Variants in PLEKHM2 observed in about 807,000 individuals in gnomAD.
The protein encoded by PLEKHM2 is pleckstrin homology domain-containing family M member 2.
In PLEKHM2, 77 loss-of-function variants were observed where a neutral mutation model predicts 116.3. The ratio of observed to expected loss-of-function variants is 0.66; its 90% CI spans 0.55 to 0.80. PLEKHM2 has a LOEUF of 0.80. PLEKHM2 is among the 30% of genes least tolerant of loss of function. The pLI, the probability that PLEKHM2 is intolerant of heterozygous loss-of-function variation, is 0.00. For synonymous variants in PLEKHM2, 562 were observed against 571.0 expected (o/e 0.98, Z 0.22); for missense variants, 1,183 against 1,354.9 (o/e 0.87, Z 1.99).
chr1:15,684,730 G>C, intron 1 of PLEKHM2, 112 bp downstream of exon 1: 2 of 340,086 alleles, frequency 5.9e-6, no homozygotes, highest in South Asian at 2.5e-4. Context: ...GCGACCCGGG[G>C]GGCGACGAGC....
rs576269510 is a variant in PLEKHM2, at chr1:15,714,543, C to T, written c.61-1694C>T. ...TCTGGGAGGAAGGGAAGGGAAGACC[C>T]TGCAGGACTGAGGTTTGTCCTGGCT... is the stretch of plus-strand genomic sequence containing the variant. On this transcript the variant is annotated intron_variant, in intron 1 of 19. Transcript: ENST00000375799. Among the ~76,000 whole-genome samples the T allele has an allele frequency of 2.6e-5, 4 of 152,218 alleles. No homozygotes were observed. The East Asian group carries it at 7.7e-4, about 29-fold the overall frequency.
chr1:15,729,731 A>G lies in PLEKHM2; in HGVS notation c.2076-66A>G, dbSNP rs559411861. The G allele has an allele frequency of 3.5e-5, 51 of 1,457,014 alleles. No homozygotes were observed. The Admixed American group carries it at 9.9e-4, about 28-fold the overall frequency. 90.3% of individuals were successfully genotyped at this position (1,457,014 alleles called of 1,614,324 possible). On this transcript the variant is annotated intron_variant, in intron 13 of 19. Transcript: ENST00000375799. This position sits in a 1 kb window ranked among gnomAD's most constrained non-coding sequence, Gnocchi z 4.7. ...CCCCTCCAGGCCAGCAGCGCTCAAGACTAAGCCCTGTCCAGTTGAGGCCCT... is the reference window on the plus strand; with the variant it reads ...CCCCTCCAGGCCAGCAGCGCTCAAGGCTAAGCCCTGTCCAGTTGAGGCCCT...
rs1185183848 is a variant in PLEKHM2, at chr1:15,729,806, G to C, written c.2085G>C (p.Leu695Phe). Residue 695 changes from leucine to phenylalanine, a missense_variant, in exon 14 of 20, where the codon TTG becomes TTC. Around this residue, in one of 3 missense-constraint regions of PLEKHM2, gnomAD observed 594 missense variants for 720.1 expected, o/e 0.82. Transcript: ENST00000375799. The surrounding 1 kb of genome is among the most constrained non-coding windows in gnomAD (Gnocchi z 4.7). The part of the protein sequence containing the change: ...TADVALAEFF[L>F]ASLKSAMIKG... ...CTCACTCCCTATGCAGGTTCTTTTTGGCTTCTTTGAAGTCAGCCATGATCA... is the reference window on the plus strand; with the variant it reads ...CTCACTCCCTATGCAGGTTCTTTTTCGCTTCTTTGAAGTCAGCCATGATCA... The C allele has an allele frequency of 6.2e-7, 1 of 1,610,422 alleles. No homozygotes were observed. The highest frequency in any genetic ancestry group is 1.1e-5 in the South Asian group (1 of 90,672).
chr1:15,685,929 T>C (rs1318145939), intron 1 of PLEKHM2, among the ~76,000 whole-genome samples: 6 of 152,202 alleles, frequency 3.9e-5, no homozygotes, highest in African/African-American at 9.7e-5. Flanking sequence ...AAATACTTTG[T>C]TGAGAAGCAG....
chr1:15,704,953 A>C (rs1049474121), intron 1 of PLEKHM2, among the ~76,000 whole-genome samples: 1 of 151,686 alleles, frequency 6.6e-6, no homozygotes, highest in Non-Finnish European at 1.5e-5. Context: ...TTGTGCCCTG[A>C]CTCCAGAGTT....
rs776618933 is a variant in PLEKHM2, at chr1:15,730,594, C to T, written c.2271C>T (p.Ser757=). ...ACTGGGAGGACCCCACAGACGAGTC[C>T]CTGGGCCCCACGCCCTGCCACTGCT... ...LVHWEDPTDE[S]LGPTPCHCSP... is the part of the protein sequence containing the mutation. The change falls in exon 15 of 20, where the codon TCC becomes TCT. Residue 757 remains serine (S), a synonymous_variant. Transcript: ENST00000375799. 11 of 1,606,326 alleles carry T rather than the reference C, an allele frequency of 6.8e-6. No individual in the cohort carries two copies. The highest frequency in any genetic ancestry group is 9.3e-6 in the Non-Finnish European group (11 of 1,177,142).
At position 15,717,772 on chromosome 1, in the gene PLEKHM2, A is replaced by G; in HGVS notation, c.278-121A>G. On this transcript the variant is annotated intron_variant, in intron 3 of 19. Coordinates refer to ENST00000375799, the MANE Select transcript of PLEKHM2 (RefSeq NM_015164.4). ...GGGTTATGGTACCCCACCAAGCACA[A>G]AGGCCACTGAAGTGCCTGGTCCCAT... The G allele has an allele frequency of 4.6e-6, 3 of 652,056 alleles. No homozygotes were observed. In the Admixed American group the frequency reaches 7.5e-5, roughly 16 times the overall value. 40.4% of individuals were successfully genotyped at this position (652,056 alleles called of 1,614,324 possible).
intron 1 of PLEKHM2, among the ~76,000 whole-genome samples, chr1:15,703,195 T>A (rs1365895717): frequency 2.6e-5 from 4 of 152,194 alleles, no homozygotes; most frequent in Admixed American, 2.6e-4. Context: ...GAGTCGAACC[T>A]GCCAGGCCAG....
At chr1:15,694,729 TCTC>T (rs1468244707) in intron 1 of PLEKHM2, among the ~76,000 whole-genome samples, 1 of 151,922 alleles carries the variant, frequency 6.6e-6, no homozygotes, top group Non-Finnish European at 1.5e-5. Context: ...ACACAGATAT[TCTC>T]CTCCATGCTG....
intron 1 of PLEKHM2, among the ~76,000 whole-genome samples, chr1:15,692,330 G>T (rs951651441): frequency 6.6e-6 from 1 of 152,182 alleles, no homozygotes; most frequent in Non-Finnish European, 1.5e-5. Flanking sequence ...CTACACACAC[G>T]TTACAAACTG....
intron 1 of PLEKHM2, among the ~76,000 whole-genome samples, chr1:15,705,396 T>G (rs9660255): frequency 0.37 from 55,741 of 151,452 alleles, 13,332 homozygotes; most frequent in African/African-American, 0.68. Context: ...TGCCCAGGCT[T>G]GTCTCCAACT....
chr1:15,720,315 A>G, intron 6 of PLEKHM2: 1 of 984,880 alleles, frequency 1.0e-6, no homozygotes, highest in Non-Finnish European at 1.2e-6. Flanking sequence ...TTCTTTGCAG[A>G]AGGAGGTTAA....
chr1:15,727,282 G>T lies in PLEKHM2; in HGVS notation c.1210G>T (p.Glu404Ter). The stretch of plus-strand genomic sequence containing the variant: ...CCCTGAGATGAAGGACACCTCCATG[G>T]AGCGCTTGGGGCAGCCCCTGAGCAA... ...LIPEMKDTSMERLGQPLSKVI... is the reference protein window; with the variant it reads ...LIPEMKDTSM Residue 404 changes from glutamate (E) to a stop codon, truncating the protein, a stop_gained, in exon 9 of 20, where the codon GAG becomes TAG. Coordinates refer to ENST00000375799, the MANE Select transcript of PLEKHM2 (RefSeq NM_015164.4). LOFTEE classifies it high-confidence loss of function. The surrounding 1 kb of genome is among the most constrained non-coding windows in gnomAD (Gnocchi z 7.5). The T allele has an allele frequency of 6.2e-7, 1 of 1,605,420 alleles. No individual in the cohort carries two copies. The highest frequency in any genetic ancestry group is 8.5e-7 in the Non-Finnish European group (1 of 1,176,990).
chr1:15,718,634 CCAGGG>C lies in PLEKHM2; in HGVS notation c.465+11_465+15del. 3 of 1,524,028 alleles carry C rather than the reference CCAGGG, an allele frequency of 2.0e-6. No homozygotes were observed. Among genetic ancestry groups the C allele is most frequent in the Non-Finnish European group, 2.7e-6 (3 of 1,120,090 alleles). The allele number at this position is 1,524,028 out of a possible 1,614,324, so 94.4% of individuals were successfully genotyped here. ...GTTTCGAGCTGGATCTGGTGAGACA[CCAGGG>C]CTCTCACTGCTTGTGGGAAGCAGAG... is the stretch of plus-strand genomic sequence containing the variant. On this transcript the variant is annotated intron_variant, in intron 5 of 19. Transcript: ENST00000375799.
Position 15,732,412 on chromosome 1 carries a change from C to T in PLEKHM2, c.2688C>T (p.Asp896=). 1 of 1,573,844 alleles carries T rather than the reference C, an allele frequency of 6.4e-7. No individual in the cohort carries two copies. Among genetic ancestry groups the T allele is most frequent in the Non-Finnish European group, 8.6e-7 (1 of 1,159,808 alleles). ...CIPCCLVLTD[D]RLFTCHEDCQ... is the part of the protein sequence containing the mutation. The stretch of plus-strand genomic sequence containing the variant: ...CCTGCTGCCTGGTCCTCACGGATGA[C>T]CGCCTCTTTACGTGCCATGAGGATT... The change falls in exon 18 of 20, where the codon GAC becomes GAT. Residue 896 remains aspartate (D), a synonymous_variant. Transcript: ENST00000375799.
chr1:15,712,648 C>CTTT (rs1366648962), intron 1 of PLEKHM2, among the ~76,000 whole-genome samples: 1 of 136,716 alleles, frequency 7.3e-6, no homozygotes, highest in Non-Finnish European at 1.6e-5. Context: ...TCTTATTTTC[C>CTTT]TTTTTTTTTT....
At chr1:15,726,924 A>T in intron 8 of PLEKHM2, 90 bp from the exon 9 acceptor site, 1 of 813,162 alleles carries the variant, frequency 1.2e-6, no homozygotes, top group African/African-American at 1.7e-5. Flanking sequence ...CAGAGGCTAC[A>T]TGGCCAGCAT....
rs1641505174 is a variant in PLEKHM2, at chr1:15,719,021, C to T, written c.465+396C>T. The stretch of plus-strand genomic sequence containing the variant: ...GCTCCATGAAGAGCCTTCAGCCACC[C>T]TCTTCAAGTTCTCAAGTTTCTCTCC... On this transcript the variant is annotated intron_variant, in intron 5 of 19. Transcript: ENST00000375799. The surrounding 1 kb of genome is among the most constrained non-coding windows in gnomAD (Gnocchi z 4.1). Among the ~76,000 whole-genome samples, 1 of 152,134 alleles carries T rather than the reference C, an allele frequency of 6.6e-6. No homozygotes were observed. The highest frequency in any genetic ancestry group is 2.4e-5 in the African/African-American group (1 of 41,452).
chr1:15,730,636 C>A lies in PLEKHM2; in HGVS notation c.2313C>A (p.Thr771=). The A allele has an allele frequency of 6.2e-7, 1 of 1,609,718 alleles. No homozygotes were observed. Among genetic ancestry groups the A allele is most frequent in the Non-Finnish European group, 8.5e-7 (1 of 1,178,362 alleles). The change falls in exon 15 of 20, where the codon ACC becomes ACA. Residue 771 remains threonine (T), a synonymous_variant. Coordinates refer to ENST00000375799, the MANE Select transcript of PLEKHM2 (RefSeq NM_015164.4). ...TPCHCSPPEG[T]ITKEGMLHYK... The stretch of plus-strand genomic sequence containing the variant: ...GCCACTGCTCACCCCCCGAGGGCAC[C>A]ATCACCAAAGAAGGCATGCTGCACT...
Sources: gnomAD v4.1 joint callset for allele counts (sites outside exome capture counted in the v4.1 genomes callset) on GRCh38, gnomAD v4.1.1 for gene constraint, gnomAD v4.1.1 regional missense constraint, Gnocchi (gnomAD v3.1) non-coding constraint, MANE v1.5 for transcripts, NCBI Gene and HGNC (gene_info 2026-07-23, HGNC 2026-07-21) for gene names.